PDLIM1: variants seen among roughly 807,000 people sequenced by gnomAD.
PDLIM1 encodes the protein PDZ and LIM domain 1.
Under a neutral mutation model 35.2 loss-of-function variants are expected in PDLIM1, and 25 were observed. That is an observed-to-expected ratio of 0.71 (90% CI 0.52 to 0.99). The LOEUF is 0.99. Ranked by LOEUF, PDLIM1 falls within the 50% of genes least tolerant of loss-of-function variation. The pLI is 0.00. For synonymous variants in PDLIM1, 152 were observed against 154.0 expected, an observed-to-expected ratio of 0.99 and a Z score of 0.10; for missense variants, 363 against 415.3, an observed-to-expected ratio of 0.87 and a Z score of 1.09.
At chr10:95,272,139 C>T (rs1047520944) in intron 1 of PDLIM1, among the ~76,000 whole-genome samples, 3 of 151,934 alleles carry the variant, frequency 2.0e-5, no homozygotes, top group African/African-American at 2.4e-5. Context: ...GGAAACAAAC[C>T]CCGAACAGAT....
At chr10:95,271,151 G>C (rs2133432119) in intron 2 of PDLIM1, among the ~76,000 whole-genome samples, 1 of 151,874 alleles carries the variant, frequency 6.6e-6, no homozygotes, top group South Asian at 2.1e-4. Context: ...GAAAATCAGA[G>C]GGGGGCTGGG....
At chr10:95,258,374 C>T (rs372913644) in intron 4 of PDLIM1, among the ~76,000 whole-genome samples, 2 of 151,988 alleles carry the variant, frequency 1.3e-5, no homozygotes, top group Non-Finnish European at 2.9e-5. Context: ...TGGTGGCACA[C>T]GCCTGTAATC....
chr10:95,268,682 C>T lies in PDLIM1; in HGVS notation c.333+96G>A, dbSNP rs1456986159. The T allele has an allele frequency of 3.1e-5, 25 of 809,510 alleles. No homozygotes were observed. The Admixed American group carries it at 3.6e-4, about 12-fold the overall frequency. The allele number at this position is 809,510 out of a possible 1,614,324, so 50.1% of individuals were successfully genotyped here. On this transcript the variant is annotated intron_variant, in intron 3 of 6. Coordinates refer to ENST00000329399, the MANE Select transcript of PDLIM1 (RefSeq NM_020992.4). Reference sequence around the variant, plus strand: ...GACAGTGAAGGGTCTTATCCCCAGGCCTCCAGGGCAGGAAAAACAGGAATG... The same window carrying T: ...GACAGTGAAGGGTCTTATCCCCAGGTCTCCAGGGCAGGAAAAACAGGAATG...
intron 4 of PDLIM1, among the ~76,000 whole-genome samples, chr10:95,253,734 A>G (rs1019292043): frequency 2.6e-5 from 4 of 152,162 alleles, no homozygotes; most frequent in African/African-American, 9.6e-5. Context: ...GGTTTAAAAA[A>G]TACTTGCCCT....
intron 4 of PDLIM1, among the ~76,000 whole-genome samples, chr10:95,248,555 A>G (rs1309780593): frequency 6.6e-6 from 1 of 152,250 alleles, no homozygotes; most frequent in East Asian, 1.9e-4. Context: ...GCCTAGAATG[A>G]TATTTTAAAC....
chr10:95,278,725 CAT>C (rs1429319446), intron 1 of PDLIM1, among the ~76,000 whole-genome samples: 1 of 152,102 alleles, frequency 6.6e-6, no homozygotes, highest in Non-Finnish European at 1.5e-5. Context: ...GAAATTGAAA[CAT>C]AGCATCTGAC....
At chr10:95,269,986 C>T (rs560432626) in intron 2 of PDLIM1, among the ~76,000 whole-genome samples, 1 of 152,138 alleles carries the variant, frequency 6.6e-6, no homozygotes, top group African/African-American at 2.4e-5. Flanking sequence ...ATCTACCCAC[C>T]TCGGCCTCCC....
intron 4 of PDLIM1, among the ~76,000 whole-genome samples, chr10:95,251,501 AGG>A (rs1215548821): frequency 6.6e-6 from 1 of 151,902 alleles, no homozygotes; most frequent in Non-Finnish European, 1.5e-5. Context: ...GCTTGAACCT[AGG>A]AGGCAGAAGT....
intron 5 of PDLIM1, among the ~76,000 whole-genome samples, chr10:95,245,401 C>T (rs977438429): frequency 1.3e-5 from 2 of 152,152 alleles, no homozygotes; most frequent in Admixed American, 6.5e-5. Context: ...GCTGGAGTGC[C>T]GGATAGGAGT....
intron 1 of PDLIM1, among the ~76,000 whole-genome samples, chr10:95,272,812 A>T (rs2035477091): frequency 6.6e-6 from 1 of 152,234 alleles, no homozygotes. Flanking sequence ...GGTTTTCTGC[A>T]GACTGATGCT....
chr10:95,239,268 C>A (rs909488524), intron 5 of PDLIM1, among the ~76,000 whole-genome samples: 2 of 152,136 alleles, frequency 1.3e-5, no homozygotes, highest in African/African-American at 4.8e-5. Flanking sequence ...CTAGGCAATA[C>A]CATTCAGGAC....
At chr10:95,267,680 C>A (rs2035427945) in intron 3 of PDLIM1, among the ~76,000 whole-genome samples, 1 of 151,996 alleles carries the variant, frequency 6.6e-6, no homozygotes, top group South Asian at 2.1e-4. Context: ...TGACTTATAT[C>A]CAACCACCCA....
chr10:95,241,439 C>G (rs1399525861), intron 5 of PDLIM1, among the ~76,000 whole-genome samples: 1 of 152,140 alleles, frequency 6.6e-6, no homozygotes, highest in Non-Finnish European at 1.5e-5. Flanking sequence ...TACCTCCAGT[C>G]AGTGGTTCCC....
intron 4 of PDLIM1, among the ~76,000 whole-genome samples, chr10:95,256,198 T>C (rs2035309417): frequency 6.6e-6 from 1 of 152,040 alleles, no homozygotes; most frequent in Non-Finnish European, 1.5e-5. Context: ...AACCAAAGAA[T>C]GCACAAATAA....
intron 4 of PDLIM1, 120 bp downstream of exon 4, chr10:95,263,725 ATGAACACAGAAGTGTTCTG>A: frequency 1.7e-6 from 1 of 602,834 alleles, no homozygotes; most frequent in South Asian, 2.2e-5. Context: ...GATGAAGAAA[ATGAACACAGAAGTGTTCTG>A]CTAATGTAGT....
intron 4 of PDLIM1, among the ~76,000 whole-genome samples, chr10:95,254,645 G>A (rs759895328): frequency 2.0e-5 from 3 of 152,188 alleles, no homozygotes; most frequent in Non-Finnish European, 2.9e-5. Flanking sequence ...TGCCAGGCAC[G>A]GTGGCTCACG....
chr10:95,253,052 A>T (rs2035280063), intron 4 of PDLIM1, among the ~76,000 whole-genome samples: 1 of 152,162 alleles, frequency 6.6e-6, no homozygotes, highest in Non-Finnish European at 1.5e-5. Context: ...GGATAAACCT[A>T]AAAAAATCCA....
chr10:95,255,841 G>C (rs953985913), intron 4 of PDLIM1, among the ~76,000 whole-genome samples: 2 of 149,714 alleles, frequency 1.3e-5, no homozygotes, highest in Non-Finnish European at 1.5e-5. Context: ...AAGTAAAATT[G>C]TATCTGTTCA....
intron 6 of PDLIM1, among the ~76,000 whole-genome samples, 186 bp downstream of exon 6, chr10:95,238,382 C>T (rs1243545345): frequency 2.0e-5 from 3 of 152,302 alleles, no homozygotes; most frequent in African/African-American, 7.2e-5. Flanking sequence ...CTAAGGGCTC[C>T]GCAGTGAAGG....
Sources: allele counts gnomAD v4.1 joint callset (sites outside exome capture counted in the v4.1 genomes callset), GRCh38; gene constraint gnomAD v4.1.1; transcripts MANE v1.5; gene names NCBI Gene and HGNC (gene_info 2026-07-23, HGNC 2026-07-21).